Variants in EML6 observed in about 807,000 individuals in gnomAD.
EML6 encodes the protein echinoderm microtubule-associated protein-like 6.
EML6 carries 154 observed loss-of-function variants against 240.1 expected under a neutral mutation model. The ratio of observed to expected loss-of-function variants is 0.64; its 90% confidence interval spans 0.56 to 0.73. EML6 has a LOEUF of 0.73. Ranked by LOEUF, EML6 falls within the 30% of genes least tolerant of loss-of-function variation. EML6 has a pLI of 0.00. For synonymous variants in EML6, 1,148 were observed against 899.0 expected (o/e 1.28, Z -4.95); for missense variants, 2,964 against 2,474.6 (o/e 1.20, Z -4.20).
chr2:54,830,080 A>G (rs1406531932), intron 7 of EML6, among the ~76,000 whole-genome samples: 1 of 152,250 alleles, frequency 6.6e-6, no homozygotes, highest in African/African-American at 2.4e-5. Context: ...GACTAAATAT[A>G]CTTGCAAAGC....
intron 2 of EML6, among the ~76,000 whole-genome samples, chr2:54,747,618 T>C (rs1683971458): frequency 6.6e-6 from 1 of 152,240 alleles, no homozygotes; most frequent in African/African-American, 2.4e-5. Flanking sequence ...TAATTCTTGC[T>C]TAAGACTAAA....
intron 17 of EML6, chr2:54,882,184 C>T (rs188181440): frequency 1.1e-4 from 16 of 152,084 alleles, no homozygotes; most frequent in Non-Finnish European, 2.1e-4. Context: ...TGAGACGATC[C>T]GATCTGTTTA....
At position 54,869,247 on chromosome 2, in the gene EML6, TGCTGC is replaced by T. The variant is rs1258794724; in HGVS notation, c.2119_2123del (p.Ala707SerfsTer6). The T allele has an allele frequency of 6.4e-7, 1 of 1,551,758 alleles. No individual in the cohort carries two copies. Among genetic ancestry groups the T allele is most frequent in the Admixed American group, 2.0e-5 (1 of 50,994 alleles). ...AAGCTGGAGAAGTAGTCTACCACAT[TGCTGC>T]AGTTGCTGTCGTGTATAATCGGCAG... On this transcript the variant is annotated frameshift_variant, in exon 15 of 42. Transcript: ENST00000356458. LOFTEE classifies it high-confidence loss of function.
intron 2 of EML6, among the ~76,000 whole-genome samples, chr2:54,781,307 C>T (rs907404609): frequency 1.3e-5 from 2 of 152,102 alleles, no homozygotes; most frequent in African/African-American, 4.8e-5. Flanking sequence ...ACATTCTTGT[C>T]GAGACCCTTC....
chr2:54,792,643 A>G (rs544410745), intron 2 of EML6, among the ~76,000 whole-genome samples: 1 of 152,352 alleles, frequency 6.6e-6, no homozygotes, highest in South Asian at 2.1e-4. Flanking sequence ...ACTGTACACT[A>G]AAGGGTGAAT....
chr2:54,869,498 CA>C, intron 15 of EML6, 131 bp downstream of exon 15: 1 of 721,552 alleles, frequency 1.4e-6, no homozygotes, highest in Non-Finnish European at 2.3e-6. Flanking sequence ...ATTGAATGAT[CA>C]TTGGATCCTT....
intron 10 of EML6, among the ~76,000 whole-genome samples, chr2:54,850,527 C>A (rs1405621402): frequency 2.0e-5 from 3 of 149,042 alleles, no homozygotes; most frequent in South Asian, 4.2e-4. Flanking sequence ...TTATAATGGA[C>A]AAAAGATATA....
At chr2:54,829,582 TATAA>T (rs1668765110) in intron 7 of EML6, 105 bp downstream of exon 7, 2 of 838,928 alleles carry the variant, frequency 2.4e-6, no homozygotes, top group African/African-American at 3.4e-5. Flanking sequence ...AGGCAGTTTA[TATAA>T]ATATATTGAA....
intron 2 of EML6, among the ~76,000 whole-genome samples, chr2:54,761,787 C>A (rs1447283981): frequency 6.6e-6 from 1 of 151,926 alleles, no homozygotes; most frequent in Non-Finnish European, 1.5e-5. Context: ...CCACAGATTT[C>A]ATCCATTTTT....
In EML6 at chr2:54,954,151, A is replaced by C; in HGVS notation, c.4481A>C (p.Gln1494Pro). ...PEHTITVWRW[Q>P]EGAKVASRGG... is the part of the protein sequence containing the mutation. Reference sequence around the variant, plus strand: ...CACACCATCACTGTCTGGCGATGGCAGGAAGGTAAACCAGCACTGGGCTTT... The same window carrying C: ...CACACCATCACTGTCTGGCGATGGCCGGAAGGTAAACCAGCACTGGGCTTT... The change falls in exon 32 of 42, where the codon CAG becomes CCG. Residue 1494 changes from glutamine (Q) to proline (P), a missense_variant. Gln to Pro is a moderately conservative substitution (Grantham distance 76). Transcript: ENST00000356458. 6.4e-7 allele frequency: 1 copy of C among 1,550,764 alleles called. No individual in the cohort carries two copies. The highest frequency in any genetic ancestry group is 8.7e-7 in the Non-Finnish European group (1 of 1,146,592).
At chr2:54,796,806 C>T (rs1447445067) in intron 2 of EML6, among the ~76,000 whole-genome samples, 1 of 151,976 alleles carries the variant, frequency 6.6e-6, no homozygotes, top group Non-Finnish European at 1.5e-5. Context: ...AGAGCACCGC[C>T]AGGCTATTAT....
chr2:54,785,078 C>T (rs1179853496), intron 2 of EML6, among the ~76,000 whole-genome samples: 4 of 151,890 alleles, frequency 2.6e-5, no homozygotes, highest in Admixed American at 1.3e-4. Context: ...CACAGGGGGT[C>T]CCACAGTGTT....
Position 54,962,551 on chromosome 2 carries a change from G to T in EML6, c.4997G>T (p.Gly1666Val), listed in dbSNP as rs919399630. Residue 1666 changes from glycine (G) to valine (V), a missense_variant, in exon 36 of 42, where the codon GGA becomes GTA. By Grantham distance (109) the Gly-to-Val change is moderately radical. Transcript: ENST00000356458. ...KGKILVGTKD[G>V]EIIEVGEKNA... ...AAAATCTTAGTGGGAACCAAAGACG[G>T]AGAAATAATTGAAGTTGGTGAAAAA... The T allele has an allele frequency of 6.5e-7, 1 of 1,547,990 alleles. No individual in the cohort carries two copies. Among genetic ancestry groups the T allele is most frequent in the Admixed American group, 2.0e-5 (1 of 50,158 alleles).
chr2:54,764,222 G>T (rs1439157867), intron 2 of EML6, among the ~76,000 whole-genome samples: 2 of 152,190 alleles, frequency 1.3e-5, no homozygotes, highest in Non-Finnish European at 2.9e-5. Flanking sequence ...TGTAAAATAA[G>T]ATTAAGTCCA....
intron 10 of EML6, among the ~76,000 whole-genome samples, chr2:54,852,755 T>C (rs1670158196): frequency 1.3e-5 from 2 of 152,260 alleles, no homozygotes; most frequent in African/African-American, 4.8e-5. Flanking sequence ...AGGGCATTTA[T>C]TCTCACCAGT....
chr2:54,947,139 C>T (rs769288629), intron 28 of EML6, among the ~76,000 whole-genome samples: 6 of 152,136 alleles, frequency 3.9e-5, no homozygotes, highest in South Asian at 2.1e-4. Flanking sequence ...TCTTGCTCTC[C>T]TCATAGCCCC....
At chr2:54,741,118 G>A (rs1318981354) in intron 2 of EML6, among the ~76,000 whole-genome samples, 1 of 152,070 alleles carries the variant, frequency 6.6e-6, no homozygotes, top group Non-Finnish European at 1.5e-5. Flanking sequence ...ACCACTGAGT[G>A]CCTGGATACT....
At chr2:54,765,707 G>A (rs956982039) in intron 2 of EML6, among the ~76,000 whole-genome samples, 2 of 152,096 alleles carry the variant, frequency 1.3e-5, no homozygotes, top group Non-Finnish European at 1.5e-5. Flanking sequence ...TGATCCACCA[G>A]TCTCGGCCTC....
At position 54,964,534 on chromosome 2, in the gene EML6, C is replaced by G. The variant is rs1172447703; in HGVS notation, c.5331-37C>G. The G allele has an allele frequency of 3.2e-6, 5 of 1,547,512 alleles. No individual in the cohort carries two copies. In the East Asian group the frequency reaches 7.3e-5, roughly 23 times the overall value. On this transcript the variant is annotated intron_variant, in intron 37 of 41. Transcript: ENST00000356458. ...CGTGCCTGACCAGCCCCAAACAGCCCTCCTCATGGACTCTGCTCTCGGATT... is the reference window on the plus strand; with the variant it reads ...CGTGCCTGACCAGCCCCAAACAGCCGTCCTCATGGACTCTGCTCTCGGATT...
Sources: gnomAD v4.1 joint callset for allele counts (sites outside exome capture counted in the v4.1 genomes callset) on GRCh38, gnomAD v4.1.1 for gene constraint, MANE v1.5 for transcripts, NCBI Gene and HGNC (gene_info 2026-07-23, HGNC 2026-07-21) for gene names.